NKAIN2: variants seen among roughly 807,000 people sequenced by gnomAD.
The protein encoded by NKAIN2 is sodium/potassium transporting ATPase interacting 2.
In NKAIN2, 14 loss-of-function variants were observed where a neutral mutation model predicts 32.6. The observed-to-expected ratio is 0.43, with a 90% CI of 0.28 to 0.67. The LOEUF (loss-of-function observed/expected upper bound fraction) is 0.67. NKAIN2 is among the 30% of genes least tolerant of loss of function. The probability of loss-of-function intolerance (pLI) is 0.17; values close to 1 mark genes in which losing one functional copy is unlikely to be tolerated. For synonymous variants in NKAIN2, 80 were observed against 87.2 expected (o/e 0.92, Z 0.46); for missense variants, 198 against 258.3 (o/e 0.77, Z 1.60).
intron 4 of NKAIN2, among the ~76,000 whole-genome samples, chr6:124,790,115 T>C (rs1486537444): frequency 6.6e-6 from 1 of 152,130 alleles, no homozygotes; most frequent in East Asian, 1.9e-4. Context: ...CCAGTTCTTT[T>C]TGGAAGATAG....
At chr6:124,449,642 A>G (rs1370390875) in intron 3 of NKAIN2, among the ~76,000 whole-genome samples, 1 of 152,052 alleles carries the variant, frequency 6.6e-6, no homozygotes, top group Non-Finnish European at 1.5e-5. Flanking sequence ...AGACAATTTT[A>G]CGTGCATACA....
intron 3 of NKAIN2, among the ~76,000 whole-genome samples, chr6:124,363,667 A>G (rs530960227): frequency 1.3e-5 from 2 of 152,336 alleles, no homozygotes; most frequent in East Asian, 3.9e-4. Context: ...CCAGGGGCAA[A>G]CCAAATACAG....
At chr6:124,495,666 C>A (rs962744660) in intron 3 of NKAIN2, among the ~76,000 whole-genome samples, 2 of 152,134 alleles carry the variant, frequency 1.3e-5, no homozygotes, top group African/African-American at 4.8e-5. Flanking sequence ...AGACATTATA[C>A]TAATTTTCTT....
chr6:123,944,284 A>T (rs367619963), intron 1 of NKAIN2, among the ~76,000 whole-genome samples: 2 of 152,030 alleles, frequency 1.3e-5, no homozygotes, highest in Non-Finnish European at 2.9e-5. Context: ...ACTTCTTCAA[A>T]TGGCAGATCC....
chr6:124,787,691 A>G (rs1463858902), intron 4 of NKAIN2, among the ~76,000 whole-genome samples: 1 of 152,126 alleles, frequency 6.6e-6, no homozygotes, highest in African/African-American at 2.4e-5. Flanking sequence ...GGACCCATGA[A>G]AAATGTTATA....
intron 1 of NKAIN2, among the ~76,000 whole-genome samples, chr6:124,172,094 G>C (rs1486667731): frequency 2.6e-5 from 4 of 152,216 alleles, no homozygotes; most frequent in African/African-American, 7.2e-5. Context: ...TTACAGGCGT[G>C]AGCCACTGTG....
chr6:124,232,337 T>C (rs1792503231), intron 1 of NKAIN2, among the ~76,000 whole-genome samples: 1 of 151,940 alleles, frequency 6.6e-6, no homozygotes, highest in South Asian at 2.1e-4. Flanking sequence ...GCCAAGTGAA[T>C]GAAACAGTAA....
intron 1 of NKAIN2, among the ~76,000 whole-genome samples, chr6:123,834,166 AT>A (rs1488476878): frequency 6.6e-6 from 1 of 150,594 alleles, no homozygotes; most frequent in Non-Finnish European, 1.5e-5. Context: ...TTAGTTAGTT[AT>A]TTTTGGAGAT....
At chr6:123,841,617 A>T (rs1774876014) in intron 1 of NKAIN2, among the ~76,000 whole-genome samples, 1 of 152,200 alleles carries the variant, frequency 6.6e-6, no homozygotes, top group Non-Finnish European at 1.5e-5. Context: ...CAGATATGAC[A>T]TTCTGGGTAG....
intron 2 of NKAIN2, among the ~76,000 whole-genome samples, chr6:124,325,301 G>A (rs1797367131): frequency 6.6e-6 from 1 of 152,042 alleles, no homozygotes; most frequent in Admixed American, 6.6e-5. Flanking sequence ...TATATTGCTA[G>A]TGGGGATGTA....
chr6:124,799,430 C>T (rs892095385), intron 5 of NKAIN2, among the ~76,000 whole-genome samples: 7 of 152,098 alleles, frequency 4.6e-5, no homozygotes, highest in Non-Finnish European at 8.8e-5. Flanking sequence ...CTAATAATAT[C>T]GCCTCCATTA....
At chr6:124,055,981 A>G (rs1782627277) in intron 1 of NKAIN2, among the ~76,000 whole-genome samples, 1 of 152,096 alleles carries the variant, frequency 6.6e-6, no homozygotes, top group Non-Finnish European at 1.5e-5. Context: ...CTATCTCCAG[A>G]GAGCAGAATA....
chr6:124,001,919 A>G (rs1210504609), intron 1 of NKAIN2, among the ~76,000 whole-genome samples: 3 of 151,228 alleles, frequency 2.0e-5, no homozygotes, highest in Non-Finnish European at 4.4e-5. Context: ...TAATTTTGCC[A>G]TTTCCACATT....
At chr6:123,925,925 T>C (rs1161322812) in intron 1 of NKAIN2, among the ~76,000 whole-genome samples, 1 of 152,210 alleles carries the variant, frequency 6.6e-6, no homozygotes, top group African/African-American at 2.4e-5. Context: ...ATAATTCTGG[T>C]GGATGAGAAG....
intron 1 of NKAIN2, among the ~76,000 whole-genome samples, chr6:123,917,068 G>A (rs918579936): frequency 2.6e-5 from 4 of 152,082 alleles, no homozygotes; most frequent in Non-Finnish European, 4.4e-5. Context: ...CCATAAATTA[G>A]AACATGTGGA....
At chr6:124,206,396 T>C (rs1790887738) in intron 1 of NKAIN2, among the ~76,000 whole-genome samples, 1 of 151,912 alleles carries the variant, frequency 6.6e-6, no homozygotes, top group African/African-American at 2.4e-5. Flanking sequence ...CAGATATTTC[T>C]ATAAATCAGA....
chr6:124,219,022 C>G (rs2114687276), intron 1 of NKAIN2, among the ~76,000 whole-genome samples: 1 of 152,014 alleles, frequency 6.6e-6, no homozygotes, highest in East Asian at 1.9e-4. Flanking sequence ...AAGGAACTTC[C>G]AAACGCTTAC....
intron 2 of NKAIN2, among the ~76,000 whole-genome samples, chr6:124,332,599 G>A (rs148539942): frequency 7.8e-4 from 118 of 151,792 alleles, no homozygotes; most frequent in South Asian, 4.0e-3. Context: ...TGATATATTC[G>A]TTAAGAAATT....
At chr6:123,858,569 T>A (rs1429045548) in intron 1 of NKAIN2, among the ~76,000 whole-genome samples, 1 of 152,228 alleles carries the variant, frequency 6.6e-6, no homozygotes, top group East Asian at 1.9e-4. Context: ...ATAGAGGTCA[T>A]TAAAGCAGAA....
Sources: allele counts gnomAD v4.1 joint callset (sites outside exome capture counted in the v4.1 genomes callset), GRCh38; gene constraint gnomAD v4.1.1; transcripts MANE v1.5; gene names NCBI Gene and HGNC (gene_info 2026-07-23, HGNC 2026-07-21).